UMODL1: variants seen among roughly 807,000 people sequenced by gnomAD.
UMODL1 encodes uromodulin like 1.
A neutral mutation model predicts 136.3 loss-of-function variants in UMODL1; 128 were observed. The ratio of observed to expected loss-of-function variants is 0.94; its 90% confidence interval spans 0.81 to 1.09. UMODL1 has a LOEUF of 1.09. Ranked by LOEUF, UMODL1 falls within the 50% of genes least tolerant of loss-of-function variation. UMODL1 has a pLI of 0.00. For synonymous variants in UMODL1, 721 were observed against 720.0 expected (o/e 1.00, Z -0.02); for missense variants, 1,766 against 1,725.6 (o/e 1.02, Z -0.41).
Position 42,110,902 on chromosome 21 carries a change from C to G in UMODL1, c.1680C>G (p.Gly560=), listed in dbSNP as rs553173917. The change falls in exon 11 of 23, where the codon GGC becomes GGG. Residue 560 remains glycine, a synonymous_variant. Transcript: ENST00000408910. ...ACEGDLVSPM[G]GGLSAATGVT... is the part of the protein sequence containing the mutation. ...CAGGTGACCTGGTGAGCCCCATGGG[C>G]GGTGGACTGTCTGCGGCAACAGGGG... is the stretch of plus-strand genomic sequence containing the variant. The G allele has an allele frequency of 6.2e-7, 1 of 1,610,248 alleles. No homozygotes were observed. Among genetic ancestry groups the G allele is most frequent in the Non-Finnish European group, 8.5e-7 (1 of 1,178,914 alleles).
intron 1 of UMODL1, among the ~76,000 whole-genome samples, chr21:42,072,716 G>T (rs1601169507): frequency 6.6e-6 from 1 of 152,244 alleles, no homozygotes; most frequent in South Asian, 2.1e-4. Context: ...GGCATGACAT[G>T]GGCGCAATCA....
At position 42,137,506 on chromosome 21, in the gene UMODL1, C is replaced by T. The variant is rs375378717; in HGVS notation, c.3843C>T (p.Phe1281=). 4.8e-5 allele frequency: 78 copies of T among 1,614,256 alleles called. No homozygotes were observed. The African/African-American group carries it at 6.9e-4, about 14-fold the overall frequency. Residue 1281 remains phenylalanine, a synonymous_variant, in exon 22 of 23, where the codon TTC becomes TTT. Coordinates refer to ENST00000408910, the MANE Select transcript of UMODL1 (RefSeq NM_001004416.3). ...GYVVLIVVAI[F]VLVAGTATLL... is the part of the protein sequence containing the mutation. ...TGGTCCTTATTGTGGTGGCCATCTT[C>T]GTGCTGGTGGCGGGAACAGCCACCC... is the stretch of plus-strand genomic sequence containing the variant.
intron 9 of UMODL1, 57 bp downstream of exon 9, chr21:42,104,144 G>T: frequency 6.6e-7 from 1 of 1,524,454 alleles, no homozygotes. Flanking sequence ...AAATCCTCTT[G>T]GTGACTTTAT....
intron 1 of UMODL1, among the ~76,000 whole-genome samples, chr21:42,072,789 G>A (rs1379844392): frequency 6.6e-6 from 1 of 152,192 alleles, no homozygotes; most frequent in Non-Finnish European, 1.5e-5. Flanking sequence ...GACTCTTGTT[G>A]GCCCCAGAGC....
chr21:42,087,282 C>T (rs748841330), intron 4 of UMODL1, among the ~76,000 whole-genome samples: 6 of 152,124 alleles, frequency 3.9e-5, no homozygotes, highest in Non-Finnish European at 8.8e-5. Context: ...CCGATGAGGT[C>T]GGGGCTGGTT....
chr21:42,104,364 C>T (rs1031253392), intron 9 of UMODL1, among the ~76,000 whole-genome samples: 2 of 152,180 alleles, frequency 1.3e-5, no homozygotes, highest in Non-Finnish European at 2.9e-5. Flanking sequence ...GTCAGGGCCC[C>T]CCAGCACTTC....
intron 22 of UMODL1, among the ~76,000 whole-genome samples, chr21:42,139,535 C>G (rs1016874793): frequency 6.6e-6 from 1 of 152,028 alleles, no homozygotes; most frequent in Non-Finnish European, 1.5e-5. Context: ...GGTGGGGACA[C>G]AGACCCACAC....
At chr21:42,082,192 T>C (rs1346421638) in intron 2 of UMODL1, among the ~76,000 whole-genome samples, 1 of 152,220 alleles carries the variant, frequency 6.6e-6, no homozygotes, top group Non-Finnish European at 1.5e-5. Flanking sequence ...TCTGGCCAGC[T>C]GAGCAGTGTC....
In UMODL1 at chr21:42,085,472, C is replaced by T. The variant is rs1364964441; in HGVS notation, c.603+60C>T. ...CTTGTGGCAGCTGCTCAGGCAGACC[C>T]AGGTATGGGGCCGTGGAAGGGACCT... On this transcript the variant is annotated intron_variant, in intron 4 of 22. Transcript: ENST00000408910. This position sits in a 1 kb window ranked among gnomAD's most constrained non-coding sequence, Gnocchi z 4.5. The T allele has an allele frequency of 6.8e-6, 11 of 1,611,118 alleles. No homozygotes were observed. The highest frequency in any genetic ancestry group is 8.5e-6 in the Non-Finnish European group (10 of 1,179,256).
rs1360208193 is a variant in UMODL1, at chr21:42,085,980, C to T, written c.603+568C>T. 6.6e-6 allele frequency among the ~76,000 whole-genome samples: 1 copy of T among 152,240 alleles called. No homozygotes were observed. On this transcript the variant is annotated intron_variant, in intron 4 of 22. Coordinates refer to ENST00000408910, the MANE Select transcript of UMODL1 (RefSeq NM_001004416.3). This position sits in a 1 kb window ranked among gnomAD's most constrained non-coding sequence, Gnocchi z 4.5. ...ACTGTCCCCTGGGGATAAAAACAAA[C>T]ACCCTGGCTGACCCTTGCTGATGAC...
chr21:42,084,295 G>A (rs766241420), intron 3 of UMODL1, 50 bp downstream of exon 3: 90 of 1,594,292 alleles, frequency 5.6e-5, no homozygotes, highest in Non-Finnish European at 6.7e-5. Flanking sequence ...GGCGGGTCTC[G>A]GTGAGGCCTG....
Position 42,098,984 on chromosome 21 carries a change from A to G in UMODL1, c.990A>G (p.Val330=). The G allele has an allele frequency of 3.1e-6, 5 of 1,614,144 alleles. No individual in the cohort carries two copies. The highest frequency in any genetic ancestry group is 4.2e-6 in the Non-Finnish European group (5 of 1,180,028). Residue 330 remains valine, a synonymous_variant, in exon 7 of 23, where the codon GTA becomes GTG. Coordinates refer to ENST00000408910, the MANE Select transcript of UMODL1 (RefSeq NM_001004416.3). The part of the protein sequence containing the change: ...VLNVTSDSFQ[V]SWRLNSTQNH... ...ACGTCACCAGTGACAGTTTTCAAGT[A>G]TCCTGGCGTTTAAATTCTACACAGA...
chr21:42,102,111 C>T, intron 7 of UMODL1, 55 bp from the exon 8 acceptor site: 1 of 1,362,174 alleles, frequency 7.3e-7, no homozygotes. Context: ...AAAACATTAA[C>T]AGACAAGTGT....
Position 42,088,458 on chromosome 21 carries a change from A to C in UMODL1, c.768A>C (p.Glu256Asp). ...LLGDIAKRVY[E>D]VISVQVQDVN... The stretch of plus-strand genomic sequence containing the variant: ...GTGACATTGCGAAGCGTGTCTATGA[A>C]GTGATCAGCGTCCAGGTGCAAGGTT... Residue 256 changes from glutamate (E) to aspartate (D), a missense_variant, in exon 5 of 23, where the codon GAA becomes GAC. Transcript: ENST00000408910. 1 of 1,605,890 alleles carries C rather than the reference A, an allele frequency of 6.2e-7. No individual in the cohort carries two copies. Among genetic ancestry groups the C allele is most frequent in the Non-Finnish European group, 8.5e-7 (1 of 1,173,082 alleles).
At chr21:42,071,475 A>C in intron 1 of UMODL1, 83 bp downstream of exon 1, 11 of 1,349,028 alleles carry the variant, frequency 8.2e-6, no homozygotes, top group Non-Finnish European at 9.7e-6. Context: ...CCCCCTGTGG[A>C]GACCTGGGCA....
At chr21:42,064,519 C>A (rs2066168137) in intron 1 of UMODL1, among the ~76,000 whole-genome samples, 1 of 152,174 alleles carries the variant, frequency 6.6e-6, no homozygotes, top group Non-Finnish European at 1.5e-5. Flanking sequence ...CTGTGTGAGC[C>A]AATTTCAATT....
At chr21:42,137,742 G>A (rs1322767400) in intron 22 of UMODL1, 101 bp downstream of exon 22, 1 of 1,051,082 alleles carries the variant, frequency 9.5e-7, no homozygotes, top group African/African-American at 1.6e-5. Context: ...GGAGTGGGGT[G>A]GGAGGTGTAG....
rs1555922532 is a variant in UMODL1, at chr21:42,095,089, G to GGTTTTTTTTT, written c.932-3837_932-3836insGTTTTTTTTT. Among the ~76,000 whole-genome samples the GGTTTTTTTTT allele has an allele frequency of 2.7e-3, 163 of 61,202 alleles. 12 individuals carry two copies. Among genetic ancestry groups the GGTTTTTTTTT allele is most frequent in the Middle Eastern group, 0.031 (2 of 64 alleles). 40.2% of individuals were successfully genotyped at this position (61,202 alleles called of 152,430 possible). A position where few individuals can be genotyped will look rare whatever the true frequency, so the allele number is the denominator to read the frequency against. On this transcript the variant is annotated intron_variant, in intron 6 of 22. Coordinates refer to ENST00000408910, the MANE Select transcript of UMODL1 (RefSeq NM_001004416.3). ...CATCACTCCTTTGTTTTCTTCTGCT[G>GGTTTTTTTTT]TTTTTTTTTTTTTTTTTTTTTTTGA...
At chr21:42,134,709 G>A (rs960266251) in intron 21 of UMODL1, among the ~76,000 whole-genome samples, 3 of 151,670 alleles carry the variant, frequency 2.0e-5, no homozygotes, top group African/African-American at 7.3e-5. Context: ...CTGCCTCCTG[G>A]GTTCAAGTGA....
Sources: gnomAD v4.1 joint callset for allele counts (sites outside exome capture counted in the v4.1 genomes callset) on GRCh38, gnomAD v4.1.1 for gene constraint, Gnocchi (gnomAD v3.1) non-coding constraint, MANE v1.5 for transcripts, NCBI Gene and HGNC (gene_info 2026-07-23, HGNC 2026-07-21) for gene names.